Variants in AMN1 observed in about 807,000 individuals in gnomAD.
AMN1 encodes the protein protein AMN1 homolog.
A neutral mutation model predicts 33.0 loss-of-function variants in AMN1; 20 were observed. The ratio of observed to expected loss-of-function variants is 0.61; its 90% CI spans 0.43 to 0.88. AMN1 has a LOEUF of 0.88. Among genes scored for constraint, AMN1 ranks in the 40% least tolerant of loss-of-function variants. AMN1 has a pLI of 0.00. For synonymous variants in AMN1, 114 were observed against 111.9 expected (o/e 1.02, Z -0.12); for missense variants, 246 against 307.4 (o/e 0.80, Z 1.49).
intron 6 of AMN1, among the ~76,000 whole-genome samples, chr12:31,679,221 C>A (rs989900789): frequency 6.6e-6 from 1 of 151,986 alleles, no homozygotes; most frequent in Non-Finnish European, 1.5e-5. Context: ...CTACATTATC[C>A]AGAATCTAAG....
intron 1 of AMN1, among the ~76,000 whole-genome samples, chr12:31,710,329 A>G (rs1003474972): frequency 3.3e-5 from 5 of 152,240 alleles, no homozygotes; most frequent in Non-Finnish European, 4.4e-5. Flanking sequence ...AGAAACAAAT[A>G]CAAATCTTAT....
intron 1 of AMN1, among the ~76,000 whole-genome samples, chr12:31,724,343 C>T (rs1387549485): frequency 6.6e-6 from 1 of 152,154 alleles, no homozygotes; most frequent in East Asian, 1.9e-4. Context: ...TATGTGAATG[C>T]AGTAGCCCTG....
At chr12:31,691,141 A>T (rs991733966) in intron 5 of AMN1, among the ~76,000 whole-genome samples, 1 of 151,350 alleles carries the variant, frequency 6.6e-6, no homozygotes, top group Non-Finnish European at 1.5e-5. Flanking sequence ...CCGTCTCAAA[A>T]AAAAAAAAAA....
chr12:31,691,291 T>C (rs2139676512), intron 5 of AMN1, among the ~76,000 whole-genome samples: 1 of 152,208 alleles, frequency 6.6e-6, no homozygotes, highest in East Asian at 1.9e-4. Flanking sequence ...ATTATATGTA[T>C]ATAAAATTGA....
intron 3 of AMN1, among the ~76,000 whole-genome samples, chr12:31,699,927 C>G (rs1938915559): frequency 6.6e-6 from 1 of 152,128 alleles, no homozygotes; most frequent in Non-Finnish European, 1.5e-5. Context: ...GAAAAAACCC[C>G]ACACATTTGC....
At chr12:31,718,151 A>G (rs1341866685) in intron 1 of AMN1, among the ~76,000 whole-genome samples, 1 of 151,546 alleles carries the variant, frequency 6.6e-6, no homozygotes, top group Non-Finnish European at 1.5e-5. Flanking sequence ...TTTGCCTCTT[A>G]TTTCAGTAAG....
Position 31,699,745 on chromosome 12 carries a change from A to C in AMN1, c.317-1788T>G, listed in dbSNP as rs774225627. Among the ~76,000 whole-genome samples the C allele has an allele frequency of 5.3e-5, 8 of 152,302 alleles. No individual in the cohort carries two copies. In the East Asian group the frequency reaches 1.5e-3, roughly 29 times the overall value. ...ACCCTCCATTTATAGTTGGTCAGTC[A>C]TATGTACCAGAGGCCTGGCCTTGCA... On this transcript the variant is annotated intron_variant, in intron 3 of 6. Coordinates refer to ENST00000281471, the MANE Select transcript of AMN1 (RefSeq NM_001113402.2).
chr12:31,711,330 T>C (rs1188174196), intron 1 of AMN1, among the ~76,000 whole-genome samples: 1 of 152,242 alleles, frequency 6.6e-6, no homozygotes, highest in Non-Finnish European at 1.5e-5. Context: ...ATGTTTATTG[T>C]ATGCATGCAT....
chr12:31,723,293 G>C lies in AMN1; in HGVS notation c.38+5678C>G, dbSNP rs114133472. ...GTTGTTGACATTTTTTCAGGTTATGGTTTCATGGTTTCAGTCTGATCAACC... is the reference window on the plus strand; with the variant it reads ...GTTGTTGACATTTTTTCAGGTTATGCTTTCATGGTTTCAGTCTGATCAACC... On this transcript the variant is annotated intron_variant, in intron 1 of 6. Transcript: ENST00000281471. Among the ~76,000 whole-genome samples, 1,433 of 152,218 alleles carry C rather than the reference G, an allele frequency of 9.4e-3. 22 individuals carry two copies. The highest frequency in any genetic ancestry group is 0.033 in the African/African-American group (1,373 of 41,518).
At chr12:31,702,845 C>A (rs925408393) in intron 2 of AMN1, among the ~76,000 whole-genome samples, 2 of 152,200 alleles carry the variant, frequency 1.3e-5, no homozygotes, top group Non-Finnish European at 2.9e-5. Flanking sequence ...TCAAGCGATT[C>A]TCCTGCCTCA....
At chr12:31,708,150 G>A (rs546077265) in intron 2 of AMN1, among the ~76,000 whole-genome samples, 1 of 152,278 alleles carries the variant, frequency 6.6e-6, no homozygotes, top group East Asian at 1.9e-4. Context: ...GCGGGGTCAG[G>A]CAAAAAGAGC....
At chr12:31,692,444 T>C (rs1245477712) in intron 5 of AMN1, among the ~76,000 whole-genome samples, 1 of 126,586 alleles carries the variant, frequency 7.9e-6, no homozygotes, top group Non-Finnish European at 1.7e-5. Context: ...AAAGTGAGAC[T>C]CTGTCTCAAA....
At chr12:31,694,477 G>T (rs1275682534) in intron 5 of AMN1, among the ~76,000 whole-genome samples, 1 of 151,612 alleles carries the variant, frequency 6.6e-6, no homozygotes, top group Non-Finnish European at 1.5e-5. Flanking sequence ...GCCAGACATG[G>T]TGGCTTATAC....
At chr12:31,708,105 G>A (rs181612494) in intron 2 of AMN1, among the ~76,000 whole-genome samples, 32 of 152,238 alleles carry the variant, frequency 2.1e-4, no homozygotes, top group African/African-American at 6.7e-4. Flanking sequence ...CAATTTTAGC[G>A]AACAAGGGAA....
At chr12:31,704,504 T>C (rs1355228561) in intron 2 of AMN1, among the ~76,000 whole-genome samples, 1 of 152,004 alleles carries the variant, frequency 6.6e-6, no homozygotes, top group East Asian at 1.9e-4. Flanking sequence ...TTCTTTTTTT[T>C]TTTTCTTCTT....
At chr12:31,715,000 G>A (rs187384467) in intron 1 of AMN1, 31 of 671,430 alleles carry the variant, frequency 4.6e-5, no homozygotes, top group East Asian at 4.0e-4. Flanking sequence ...CAAATATTCC[G>A]TATCAAACAG....
At chr12:31,673,110 T>C (rs888571635) in intron 6 of AMN1, 2 of 152,238 alleles carry the variant, frequency 1.3e-5, no homozygotes, top group African/African-American at 4.8e-5. Flanking sequence ...AAAATACTGA[T>C]AAAATTTTGT....
intron 3 of AMN1, 68 bp downstream of exon 3, chr12:31,701,795 C>A (rs1939014412): frequency 2.2e-6 from 3 of 1,359,128 alleles, no homozygotes; most frequent in Admixed American, 5.5e-5. Context: ...GTATTTTCTC[C>A]CTTACTCCAC....
intron 1 of AMN1, among the ~76,000 whole-genome samples, chr12:31,727,341 C>T (rs746035929): frequency 6.6e-6 from 1 of 152,200 alleles, no homozygotes; most frequent in African/African-American, 2.4e-5. Flanking sequence ...TAATTCAAAT[C>T]TCTCTCTGCT....
Sources: gnomAD v4.1 joint callset for allele counts (sites outside exome capture counted in the v4.1 genomes callset) on GRCh38, gnomAD v4.1.1 for gene constraint, MANE v1.5 for transcripts, NCBI Gene and HGNC (gene_info 2026-07-23, HGNC 2026-07-21) for gene names.